The following TCF20 variants were observed in gnomAD, a reference collection of about 807,000 sequenced individuals.
The protein encoded by TCF20 is transcription factor 20.
TCF20 carries 3 observed loss-of-function variants against 148.6 expected under a neutral mutation model. The observed-to-expected ratio is 0.02, with a 90% CI of 0.01 to 0.05. The LOEUF is 0.05. Ranked by LOEUF, TCF20 falls within the 10% of genes least tolerant of loss-of-function variation. The pLI is 1.00. For missense variants in TCF20, 2,350 were observed against 2,429.3 expected (o/e 0.97, Z 0.69); for synonymous variants, 1,049 against 909.5 (o/e 1.15, Z -2.76).
intron 1 of TCF20, among the ~76,000 whole-genome samples, chr22:42,264,298 G>A (rs1385284733): frequency 1.3e-5 from 2 of 150,906 alleles, no homozygotes; most frequent in Admixed American, 1.3e-4. Context: ...TGGGGGAGGG[G>A]GGAGAAACAG....
intron 2 of TCF20, among the ~76,000 whole-genome samples, chr22:42,187,092 C>T (rs1379063681): frequency 6.6e-6 from 1 of 152,206 alleles, no homozygotes; most frequent in African/African-American, 2.4e-5. Flanking sequence ...CTTCTCCAAA[C>T]CTGTCCCTAC....
intron 1 of TCF20, among the ~76,000 whole-genome samples, chr22:42,300,575 G>A (rs1315159575): frequency 1.3e-5 from 2 of 152,056 alleles, no homozygotes; most frequent in Non-Finnish European, 2.9e-5. Context: ...CAAGGGGTGC[G>A]GGCTAAGACT....
chr22:42,212,546 C>G lies in TCF20; in HGVS notation c.2760G>C (p.Lys920Asn). 6.2e-7 allele frequency: 1 copy of G among 1,613,964 alleles called. No individual in the cohort carries two copies. The highest frequency in any genetic ancestry group is 8.5e-7 in the Non-Finnish European group (1 of 1,179,806). ...TTATCTGCCCGCTCTGGGATTTCAG[C>G]TTGGTTTCCATGGACACCAAACCAC... Reference protein sequence around the residue: ...LPGGLVSMETKLKSQSGQIKE... With the variant: ...LPGGLVSMETNLKSQSGQIKE... Residue 920 changes from lysine (K) to asparagine (N), a missense_variant, in exon 2 of 6, where the codon AAG (lysine) becomes AAC (asparagine). By Grantham distance (94) the Lys-to-Asn change is moderately conservative. Transcript: ENST00000677622.
At chr22:42,310,449 G>C (rs77023563) in intron 1 of TCF20, among the ~76,000 whole-genome samples, 5 of 141,542 alleles carry the variant, frequency 3.5e-5, no homozygotes, top group African/African-American at 5.1e-5. Context: ...GTGCGGGGGG[G>C]AGTAAGTGGT....
intron 1 of TCF20, among the ~76,000 whole-genome samples, chr22:42,294,487 T>C (rs1386448228): frequency 3.9e-5 from 6 of 152,102 alleles, no homozygotes; most frequent in Admixed American, 3.9e-4. Context: ...GGGAAGTCAC[T>C]GGCAGGCAGT....
chr22:42,288,989 T>G (rs1927085159), upstream of TCF20, among the ~76,000 whole-genome samples: 1 of 152,130 alleles, frequency 6.6e-6, no homozygotes, highest in Non-Finnish European at 1.5e-5. Context: ...TGCCCTTAAG[T>G]GAAGACACTG....
chr22:42,222,662 G>A (rs1233941439), intron 1 of TCF20, among the ~76,000 whole-genome samples: 1 of 152,110 alleles, frequency 6.6e-6, no homozygotes, highest in Non-Finnish European at 1.5e-5. Flanking sequence ...CTTGCCACAT[G>A]AGATCATATG....
chr22:42,259,369 A>T (rs910312027), intron 1 of TCF20, among the ~76,000 whole-genome samples: 4 of 152,112 alleles, frequency 2.6e-5, no homozygotes, highest in African/African-American at 9.7e-5. Flanking sequence ...GGAAGCAAGG[A>T]AGAAACAACT....
chr22:42,252,123 A>G (rs1197624716), intron 1 of TCF20, among the ~76,000 whole-genome samples: 1 of 150,202 alleles, frequency 6.7e-6, no homozygotes, highest in Non-Finnish European at 1.5e-5. Context: ...TTTTTTTTGT[A>G]AAAATACAAA....
intron 1 of TCF20, among the ~76,000 whole-genome samples, chr22:42,240,127 C>A (rs910899934): frequency 2.6e-5 from 4 of 152,210 alleles, no homozygotes; most frequent in African/African-American, 9.7e-5. Flanking sequence ...TTAACTGGCA[C>A]AGCCACCCAC....
At chr22:42,169,949 G>A in intron 3 of TCF20, 53 bp from the exon 4 acceptor site, 3 of 1,588,740 alleles carry the variant, frequency 1.9e-6, no homozygotes, top group South Asian at 1.1e-5. Flanking sequence ...GGACATAGGT[G>A]TGGTCATGCT....
At chr22:42,272,368 G>A (rs532800551), upstream of TCF20, among the ~76,000 whole-genome samples, 1 of 151,480 alleles carries the variant, frequency 6.6e-6, no homozygotes, top group East Asian at 1.9e-4. Flanking sequence ...ACTGGTGTTG[G>A]GGGCACCCTT....
At chr22:42,188,226 G>T (rs1937139101) in intron 2 of TCF20, among the ~76,000 whole-genome samples, 1 of 140,954 alleles carries the variant, frequency 7.1e-6, no homozygotes, top group Non-Finnish European at 1.5e-5. Flanking sequence ...CCTGGGAGGT[G>T]GAGGTTGCAG....
chr22:42,176,477 G>A (rs1230904027), intron 3 of TCF20, among the ~76,000 whole-genome samples: 6 of 152,266 alleles, frequency 3.9e-5, no homozygotes, highest in South Asian at 2.1e-4. Context: ...AGTCAGCCAC[G>A]CCCTCTTCCC....
chr22:42,184,732 C>A (rs1936965297), intron 2 of TCF20, among the ~76,000 whole-genome samples: 1 of 152,010 alleles, frequency 6.6e-6, no homozygotes, highest in Non-Finnish European at 1.5e-5. Context: ...TAAGGAATGG[C>A]CCAAACTTCA....
chr22:42,311,136 G>T (rs1320312784), intron 1 of TCF20, among the ~76,000 whole-genome samples: 1 of 152,222 alleles, frequency 6.6e-6, no homozygotes, highest in African/African-American at 2.4e-5. Flanking sequence ...CCCAAACTGC[G>T]GCTCACACAC....
intron 1 of TCF20, among the ~76,000 whole-genome samples, chr22:42,218,220 G>A (rs73887972): frequency 3.2e-3 from 493 of 152,324 alleles, no homozygotes; most frequent in African/African-American, 0.011. Context: ...AGGGCTGGGG[G>A]CAGGACATGT....
intron 4 of TCF20, 31 bp from the exon 5 acceptor site, chr22:42,168,767 C>T: frequency 3.1e-6 from 5 of 1,591,394 alleles, no homozygotes; most frequent in Non-Finnish European, 3.4e-6. Context: ...AGGAGACAGA[C>T]AGGTGGGAGA....
chr22:42,189,747 GACA>G (rs1400181712), intron 2 of TCF20, among the ~76,000 whole-genome samples: 2 of 152,298 alleles, frequency 1.3e-5, no homozygotes, highest in Non-Finnish European at 1.5e-5. Context: ...TAAAGTAGAG[GACA>G]ACAACGACAA....
Sources: gnomAD v4.1 joint callset for allele counts (sites outside exome capture counted in the v4.1 genomes callset) on GRCh38, gnomAD v4.1.1 for gene constraint, MANE v1.5 for transcripts, NCBI Gene and HGNC (gene_info 2026-07-23, HGNC 2026-07-21) for gene names.